The following POLR3C variants were observed in gnomAD, a reference collection of about 807,000 sequenced individuals.
POLR3C encodes the protein RNA polymerase III subunit C, also known as DNA-directed RNA polymerase III subunit RPC3.
A neutral mutation model predicts 65.9 loss-of-function variants in POLR3C; 44 were observed. That is an observed-to-expected ratio of 0.67 (90% CI 0.52 to 0.86). The LOEUF (loss-of-function observed/expected upper bound fraction) is 0.86, where lower values mean the gene tolerates loss of function less well. POLR3C is among the 40% of genes least tolerant of loss of function. The pLI is 0.00. For missense variants in POLR3C, 576 were observed against 653.2 expected (o/e 0.88, Z 1.29); for synonymous variants, 263 against 231.6 (o/e 1.14, Z -1.23).
chr1:145,826,003 C>G, intron 2 of POLR3C, 80 bp downstream of exon 2: 2 of 1,175,906 alleles, frequency 1.7e-6, no homozygotes, highest in South Asian at 2.8e-5. Context: ...TTCTTCTCAC[C>G]CCAGAAAAGG....
chr1:145,836,217 T>C (rs1570743402), intron 7 of POLR3C, among the ~76,000 whole-genome samples: 1 of 151,022 alleles, frequency 6.6e-6, no homozygotes, highest in Admixed American at 6.7e-5. Flanking sequence ...GCCTCCCAGG[T>C]TCAAGCAGTT....
intron 1 of POLR3C, among the ~76,000 whole-genome samples, chr1:145,824,762 G>T (rs891074533): frequency 3.3e-5 from 5 of 152,186 alleles, no homozygotes; most frequent in African/African-American, 1.2e-4. Flanking sequence ...CTCATCTCCT[G>T]TTTGACACAC....
Position 145,824,246 on chromosome 1 carries a change from T to G in POLR3C, c.-144T>G. 3.8e-6 allele frequency: 1 copy of G among 265,890 alleles called. No individual in the cohort carries two copies. The highest frequency in any genetic ancestry group is 7.4e-6 in the Non-Finnish European group (1 of 134,924). 16.5% of individuals were successfully genotyped at this position (265,890 alleles called of 1,614,324 possible). On this transcript the variant is annotated 5_prime_UTR_variant, in exon 1 of 15. Transcript: ENST00000334163. ...TTTTCCGCGTCTTCTTCGGTGGCGATCCGCGTCCTAGAAAGGGCGGTGGGC... is the reference window on the plus strand; with the variant it reads ...TTTTCCGCGTCTTCTTCGGTGGCGAGCCGCGTCCTAGAAAGGGCGGTGGGC...
chr1:145,831,923 C>T (rs1553727287), intron 5 of POLR3C, among the ~76,000 whole-genome samples: 1 of 152,010 alleles, frequency 6.6e-6, no homozygotes, highest in Non-Finnish European at 1.5e-5. Flanking sequence ...CACCTGTGGT[C>T]CCAGCTGCTT....
intron 10 of POLR3C, 82 bp from the exon 11 acceptor site, chr1:145,837,974 A>C (rs1651985938): frequency 7.8e-7 from 1 of 1,286,682 alleles, no homozygotes; most frequent in Non-Finnish European, 1.1e-6. Context: ...CACACATGGA[A>C]TAGAACAACC....
chr1:145,827,542 G>A (rs1468556677), intron 4 of POLR3C, among the ~76,000 whole-genome samples: 4 of 151,584 alleles, frequency 2.6e-5, no homozygotes, highest in African/African-American at 4.9e-5. Flanking sequence ...GGCGGATCAC[G>A]AGGTCAGGAG....
At position 145,834,681 on chromosome 1, in the gene POLR3C, G is replaced by A. The variant is rs587644087; in HGVS notation, c.876+1099G>A. On this transcript the variant is annotated intron_variant, in intron 7 of 14. Coordinates refer to ENST00000334163, the MANE Select transcript of POLR3C (RefSeq NM_006468.8). Reference sequence around the variant, plus strand: ...ACATGTGAGTAATGTGTTTCACAACGGCATTGTGCTATGATGTTACAACAG... The same window carrying A: ...ACATGTGAGTAATGTGTTTCACAACAGCATTGTGCTATGATGTTACAACAG... Among the ~76,000 whole-genome samples, 3 of 151,974 alleles carry A rather than the reference G, an allele frequency of 2.0e-5. No homozygotes were observed. The South Asian group carries it at 6.2e-4, about 32-fold the overall frequency.
chr1:145,836,719 G>A, intron 8 of POLR3C, 96 bp from the exon 9 acceptor site: 1 of 958,302 alleles, frequency 1.0e-6, no homozygotes, highest in Non-Finnish European at 1.7e-6. Context: ...TTTGATAGGA[G>A]GGCTACCTGC....
In POLR3C at chr1:145,837,585, C is replaced by T. The variant is rs782081848; in HGVS notation, c.1059C>T (p.Val353=). 8.4e-5 allele frequency: 135 copies of T among 1,605,640 alleles called. No homozygotes were observed. The highest frequency in any genetic ancestry group is 1.1e-4 in the Non-Finnish European group (127 of 1,173,738). ...ASLATATLES[V]VQERFGSRCA... ...TAGCCACAGCCACTCTGGAGTCCGT[C>T]GTACAGGAGAGGTAAGGGGGACACT... Residue 353 remains valine, a synonymous_variant, in exon 10 of 15, where the codon GTC becomes GTT. Transcript: ENST00000334163.
At position 145,844,186 on chromosome 1, in the gene POLR3C, T is replaced by G. The variant is rs587725178; in HGVS notation, c.*1766T>G. ...ATATATATCTCCAAAAGGAAAGAAA[T>G]CAATGTATCAAAAAGATACCTGCAC... On this transcript the variant is annotated 3_prime_UTR_variant, in exon 15 of 15. Transcript: ENST00000334163. Among the ~76,000 whole-genome samples, 2 of 152,184 alleles carry G rather than the reference T, an allele frequency of 1.3e-5. No individual in the cohort carries two copies. Among genetic ancestry groups the G allele is most frequent in the Admixed American group, 1.3e-4 (2 of 15,274 alleles).
chr1:145,841,700 GT>G (rs1319921387), intron 14 of POLR3C, among the ~76,000 whole-genome samples: 2 of 151,574 alleles, frequency 1.3e-5, no homozygotes, highest in African/African-American at 4.9e-5. Context: ...AATTCTAGTA[GT>G]TTTTTTGCAG....
intron 6 of POLR3C, 53 bp from the exon 7 acceptor site, chr1:145,833,437 T>G: frequency 6.5e-7 from 1 of 1,531,392 alleles, no homozygotes; most frequent in East Asian, 2.2e-5. Context: ...CATTGGCACA[T>G]AGAGCCAGGG....
chr1:145,828,664 G>A (rs1650995558), intron 4 of POLR3C, 85 bp from the exon 5 acceptor site: 1 of 946,044 alleles, frequency 1.1e-6, no homozygotes, highest in Non-Finnish European at 1.7e-6. Context: ...GATGTCTTTG[G>A]AATGAAAGAC....
chr1:145,833,337 G>A lies in POLR3C; in HGVS notation c.756G>A (p.Val252=), dbSNP rs1553727707. The change falls in exon 6 of 15, where the codon GTG becomes GTA. Residue 252 remains valine, a synonymous_variant. Transcript: ENST00000334163. ...FHQHFRDQAI[V]SAVANRMDQT... ...AACACTTCCGTGACCAAGCCATTGT[G>A]AGCGCAGTTGCTAACAGGATGGACC... The A allele has an allele frequency of 6.2e-7, 1 of 1,612,904 alleles. No homozygotes were observed. The highest frequency in any genetic ancestry group is 8.5e-7 in the Non-Finnish European group (1 of 1,178,944).
rs1201196967 is a variant in POLR3C at position 145,842,793 on chromosome 1, T to TGATAGATAGATAGATAGATAGATAGATA, written c.*397_*398insGATAGATAGATAGATAGATAGATAGATA. On this transcript the variant is annotated 3_prime_UTR_variant, in exon 15 of 15. Coordinates refer to ENST00000334163, the MANE Select transcript of POLR3C (RefSeq NM_006468.8). ...CTGTTCTTTATTTTGTTGAGATAGG[T>TGATAGATAGATAGATAGATAGATAGATA]GATAGATAGATAGATAGATAGATAA... is the stretch of plus-strand genomic sequence containing the variant. Among the ~76,000 whole-genome samples the TGATAGATAGATAGATAGATAGATAGATA allele has an allele frequency of 0.012, 1,687 of 142,400 alleles. 15 individuals are homozygous for TGATAGATAGATAGATAGATAGATAGATA. The highest frequency in any genetic ancestry group is 0.015 in the African/African-American group (486 of 33,020). The allele number at this position is 142,400 out of a possible 152,430, so 93.4% of individuals were successfully genotyped here. A position where few individuals can be genotyped will look rare whatever the true frequency, so the allele number is the denominator to read the frequency against.
rs782370902 is a variant in POLR3C at position 145,837,608 on chromosome 1, A to G, written c.1070+12A>G. 2 of 1,590,376 alleles carry G rather than the reference A, an allele frequency of 1.3e-6. No individual in the cohort carries two copies. The highest frequency in any genetic ancestry group is 2.2e-5 in the East Asian group (1 of 44,780). ...GTCGTACAGGAGAGGTAAGGGGGAC[A>G]CTGGTTGGGTTTGGGATCACATACT... On this transcript the variant is annotated intron_variant, in intron 10 of 14. Transcript: ENST00000334163.
chr1:145,824,628 ATGTT>A (rs1650546106), intron 1 of POLR3C: 7 of 736,904 alleles, frequency 9.5e-6, no homozygotes, highest in Non-Finnish European at 1.4e-5. Flanking sequence ...TAAGTAAACA[ATGTT>A]TGGTAGCAAT....
At position 145,826,818 on chromosome 1, in the gene POLR3C, A is replaced by G; in HGVS notation, c.404-2A>G. 1.9e-6 allele frequency: 3 copies of G among 1,607,418 alleles called. No homozygotes were observed. Among genetic ancestry groups the G allele is most frequent in the Non-Finnish European group, 2.6e-6 (3 of 1,175,552 alleles). On this transcript the variant is annotated splice_acceptor_variant, in intron 3 of 14. Coordinates refer to ENST00000334163, the MANE Select transcript of POLR3C (RefSeq NM_006468.8). LOFTEE classifies it high-confidence loss of function. Reference sequence around the variant, plus strand: ...ATCTGCCTTTTTCCTCCTGTTATACAGATGGCAAGACCATGGACTATGCTG... The same window carrying G: ...ATCTGCCTTTTTCCTCCTGTTATACGGATGGCAAGACCATGGACTATGCTG...
rs1273319389 is a variant in POLR3C at position 145,833,558 on chromosome 1, C to G, written c.852C>G (p.Phe284Leu). Residue 284 changes from phenylalanine (F) to leucine (L), a missense_variant, in exon 7 of 15, where the codon TTC (phenylalanine) becomes TTG (leucine). Coordinates refer to ENST00000334163, the MANE Select transcript of POLR3C (RefSeq NM_006468.8). ...TTACCACTTCCTCTAGTGCTCCCTT[C>G]ACCCAGCCATTGTCTTCCAATGAGG... Reference protein sequence around the residue: ...SEITTSSSAPFTQPLSSNEIF... With the variant: ...SEITTSSSAPLTQPLSSNEIF... The G allele has an allele frequency of 6.2e-7, 1 of 1,610,450 alleles. No homozygotes were observed. Among genetic ancestry groups the G allele is most frequent in the Admixed American group, 1.7e-5 (1 of 60,012 alleles).
Sources: gnomAD v4.1 joint callset for allele counts (sites outside exome capture counted in the v4.1 genomes callset) on GRCh38, gnomAD v4.1.1 for gene constraint, MANE v1.5 for transcripts, NCBI Gene and HGNC (gene_info 2026-07-23, HGNC 2026-07-21) for gene names.